KLF8: variants seen among roughly 807,000 people sequenced by gnomAD.
KLF8 encodes the protein Krueppel-like factor 8.
KLF8 carries 10 observed loss-of-function variants against 18.2 expected under a neutral mutation model. The ratio of observed to expected loss-of-function variants is 0.55; its 90% CI spans 0.34 to 0.93. The LOEUF (loss-of-function observed/expected upper bound fraction) is 0.93. KLF8 is among the 40% of genes least tolerant of loss of function. The probability of loss-of-function intolerance (pLI) is 0.02; values close to 1 mark genes in which losing one functional copy is unlikely to be tolerated. For missense variants in KLF8, 264 were observed against 277.9 expected (o/e 0.95, Z 0.36); for synonymous variants, 109 against 97.3 (o/e 1.12, Z -0.71).
chrX:56,161,333 A>T, the KLF8 span, among the ~76,000 whole-genome samples: 8 of 111,595 alleles, frequency 7.2e-5, no homozygotes, highest in Non-Finnish European at 1.5e-4. Context: ...AAATTGCGGA[A>T]GTTCTCCTGG....
the KLF8 span, among the ~76,000 whole-genome samples, chrX:56,189,814 G>C: frequency 1.1e-5 from 1 of 90,227 alleles, no homozygotes; most frequent in Non-Finnish European, 2.1e-5. Flanking sequence ...GGTGGGAATT[G>C]AACAATGAGA....
the KLF8 span, among the ~76,000 whole-genome samples, chrX:56,170,137 G>A: frequency 9.0e-6 from 1 of 110,730 alleles, no homozygotes; most frequent in Admixed American, 9.7e-5. Context: ...GTGGACTTGG[G>A]GTGCCCACTA....
At chrX:56,057,091 G>A in the KLF8 span, among the ~76,000 whole-genome samples, 1 of 111,707 alleles carries the variant, frequency 9.0e-6, no homozygotes, top group Non-Finnish European at 1.9e-5. Context: ...AAGGCAGTTC[G>A]GCTTGGGGCC....
chrX:55,978,839 C>A, the KLF8 span, among the ~76,000 whole-genome samples: 16 of 111,414 alleles, frequency 1.4e-4, no homozygotes, highest in Non-Finnish European at 2.1e-4. Context: ...GTTATCAGTT[C>A]TAGGAGATAA....
rs1330392987 is a variant in KLF8 at position 56,265,403 on chromosome X, G to C, written c.305G>C (p.Ser102Thr). ...CCCAAGGCTCCTCTCCAGCCTGCTAGCATGCTACAAGCTCCAATACGTCCC... is the reference window on the plus strand; with the variant it reads ...CCCAAGGCTCCTCTCCAGCCTGCTACCATGCTACAAGCTCCAATACGTCCC... Reference protein sequence around the residue: ...HKPKAPLQPASMLQAPIRPPK... With the variant: ...HKPKAPLQPATMLQAPIRPPK... The change falls in exon 3 of 6, where the codon AGC (serine) becomes ACC (threonine). Residue 102 changes from serine to threonine, a missense_variant. Physicochemically the swap from Ser to Thr is moderately conservative, Grantham distance 58 (BLOSUM62 1). Coordinates refer to ENST00000468660, the MANE Select transcript of KLF8 (RefSeq NM_007250.5). 5.8e-6 allele frequency: 7 copies of C among 1,209,414 alleles called. No homozygotes were observed. The Admixed American group carries it at 1.5e-4, about 26-fold the overall frequency.
the KLF8 span, among the ~76,000 whole-genome samples, chrX:56,074,117 A>G: frequency 9.0e-6 from 1 of 111,680 alleles, no homozygotes; most frequent in African/African-American, 3.2e-5. Context: ...AATCTTCTCA[A>G]GATTTTGGCC....
chrX:56,043,771 G>T, the KLF8 span, among the ~76,000 whole-genome samples: 1 of 112,262 alleles, frequency 8.9e-6, no homozygotes, highest in Admixed American at 9.4e-5. Flanking sequence ...CAGCGAAGTT[G>T]ATTATTACCC....
chrX:55,933,364 C>T, the KLF8 span, among the ~76,000 whole-genome samples: 8 of 111,958 alleles, frequency 7.1e-5, no homozygotes, highest in Non-Finnish European at 1.5e-4. Context: ...CTTATCAGAT[C>T]TACTTACGTA....
chrX:56,058,587 G>A, the KLF8 span, among the ~76,000 whole-genome samples: 3 of 100,601 alleles, frequency 3.0e-5, no homozygotes, highest in Non-Finnish European at 6.0e-5. Flanking sequence ...CCACTTACAA[G>A]TAAGAACATG....
the KLF8 span, among the ~76,000 whole-genome samples, chrX:56,189,263 T>G: frequency 9.0e-6 from 1 of 111,687 alleles, no homozygotes; most frequent in South Asian, 3.7e-4. Context: ...AAAAAACACA[T>G]GAAAAAATGC....
At chrX:56,137,007 C>T in the KLF8 span, among the ~76,000 whole-genome samples, 2 of 111,788 alleles carry the variant, frequency 1.8e-5, no homozygotes, top group African/African-American at 6.5e-5. Context: ...TGAAAAAATG[C>T]TCATCATCAC....
chrX:55,945,634 G>T, the KLF8 span, among the ~76,000 whole-genome samples: 1 of 111,171 alleles, frequency 9.0e-6, no homozygotes, highest in African/African-American at 3.3e-5. Context: ...GGAAGTTCTG[G>T]CCAGGACAAT....
chrX:56,170,502 A>G, the KLF8 span, among the ~76,000 whole-genome samples: 11 of 110,052 alleles, frequency 1.0e-4, no homozygotes, highest in Admixed American at 1.1e-3. Flanking sequence ...AAATAATTTA[A>G]AAGAATCAAG....
At chrX:56,038,567 A>G in the KLF8 span, among the ~76,000 whole-genome samples, 1 of 112,707 alleles carries the variant, frequency 8.9e-6, no homozygotes, top group Non-Finnish European at 1.9e-5. Flanking sequence ...TTATGGCTGC[A>G]TAGCATTCCA....
At chrX:56,121,920 C>T in the KLF8 span, among the ~76,000 whole-genome samples, 1 of 112,072 alleles carries the variant, frequency 8.9e-6, no homozygotes, top group Non-Finnish European at 1.9e-5. Flanking sequence ...ACTCAATAAA[C>T]ATTTATGGAA....
chrX:56,043,114 CT>C, the KLF8 span, among the ~76,000 whole-genome samples: 6 of 109,866 alleles, frequency 5.5e-5, no homozygotes, highest in Admixed American at 2.9e-4. Context: ...TTTGGAAATC[CT>C]TTTTTTTTAA....
At chrX:55,985,722 G>A in the KLF8 span, among the ~76,000 whole-genome samples, 2 of 110,515 alleles carry the variant, frequency 1.8e-5, no homozygotes, top group South Asian at 7.7e-4. Context: ...ACCTTGGGCA[G>A]TATGGACATT....
the KLF8 span, among the ~76,000 whole-genome samples, chrX:56,076,453 C>G: frequency 9.0e-6 from 1 of 110,604 alleles, no homozygotes; most frequent in Non-Finnish European, 1.9e-5. Context: ...ATCCATGTCC[C>G]TACAAAGGAC....
the KLF8 span, among the ~76,000 whole-genome samples, chrX:56,016,013 T>C: frequency 8.9e-6 from 1 of 112,260 alleles, no homozygotes; most frequent in Non-Finnish European, 1.9e-5. Flanking sequence ...ACAAAGTAAC[T>C]AACAAACAAT....
Sources: allele counts gnomAD v4.1 joint callset (sites outside exome capture counted in the v4.1 genomes callset), GRCh38; gene constraint gnomAD v4.1.1; transcripts MANE v1.5; gene names NCBI Gene and HGNC (gene_info 2026-07-23, HGNC 2026-07-21).